VSIG1: variants seen among roughly 807,000 people sequenced by gnomAD.
VSIG1 encodes the protein V-set and immunoglobulin domain-containing protein 1.
VSIG1 carries 11 observed loss-of-function variants against 20.1 expected under a neutral mutation model. The observed-to-expected ratio is 0.55, with a 90% CI of 0.34 to 0.91. The LOEUF is 0.91. VSIG1 is among the 40% of genes least tolerant of loss of function. VSIG1 has a pLI of 0.02. For synonymous variants in VSIG1, 126 were observed against 116.7 expected, an observed-to-expected ratio of 1.08 and a Z score of -0.52; for missense variants, 283 against 298.8, an observed-to-expected ratio of 0.95 and a Z score of 0.39.
intron 2 of VSIG1, among the ~76,000 whole-genome samples, chrX:108,064,227 G>A (rs2031084596): frequency 9.0e-6 from 1 of 111,571 alleles, no homozygotes; most frequent in Non-Finnish European, 1.9e-5. Flanking sequence ...CTACCCCTAG[G>A]TACTTTACTT....
chrX:108,023,234 C>T, the VSIG1 span, among the ~76,000 whole-genome samples: 3 of 111,384 alleles, frequency 2.7e-5, no homozygotes, highest in Admixed American at 2.9e-4. Context: ...TCATGTGCCC[C>T]CTCTTTAGTC....
At chrX:108,036,903 G>A in the VSIG1 span, among the ~76,000 whole-genome samples, 7 of 111,772 alleles carry the variant, frequency 6.3e-5, no homozygotes, top group African/African-American at 1.6e-4. Flanking sequence ...GACTTTCACT[G>A]CATAACAACA....
At chrX:108,028,436 C>G in the VSIG1 span, among the ~76,000 whole-genome samples, 1 of 111,787 alleles carries the variant, frequency 8.9e-6, no homozygotes, top group African/African-American at 3.2e-5. Context: ...GAGGTTAAAT[C>G]AGGTGAACAT....
chrX:108,045,111 T>C lies in VSIG1; in HGVS notation c.-20T>C. 1 of 1,164,836 alleles carries C rather than the reference T, an allele frequency of 8.6e-7. No individual in the cohort carries two copies. Among genetic ancestry groups the C allele is most frequent in the Non-Finnish European group, 1.2e-6 (1 of 869,168 alleles). Reference sequence around the variant, plus strand: ...CAGGCAAGCTACTGGCACCTGCTGCTCTCAACTAACCTCCACACAATGGTG... The same window carrying C: ...CAGGCAAGCTACTGGCACCTGCTGCCCTCAACTAACCTCCACACAATGGTG... On this transcript the variant is annotated 5_prime_UTR_variant, in exon 1 of 7. Coordinates refer to ENST00000217957, the MANE Select transcript of VSIG1 (RefSeq NM_182607.5).
In VSIG1 at chrX:108,059,451, G is replaced by A. The variant is rs1368494935; in HGVS notation, c.213+1250G>A. On this transcript the variant is annotated intron_variant, in intron 2 of 6. Coordinates refer to ENST00000217957, the MANE Select transcript of VSIG1 (RefSeq NM_182607.5). ...GCTCAATACTGGTTACCTTGGACAA[G>A]TATCTGAATCACTCTGCACCTCTCT... Among the ~76,000 whole-genome samples, 3 of 112,219 alleles carry A rather than the reference G, an allele frequency of 2.7e-5. No individual in the cohort carries two copies. The Admixed American group carries it at 2.8e-4, about 11-fold the overall frequency.
chrX:108,077,708 A>C lies in VSIG1; in HGVS notation c.*327A>C. The C allele has an allele frequency of 4.8e-6, 1 of 209,848 alleles. No homozygotes were observed. Among genetic ancestry groups the C allele is most frequent in the Non-Finnish European group, 8.5e-6 (1 of 117,960 alleles). The allele number at this position is 209,848 out of a possible 1,213,427, so 17.3% of individuals were successfully genotyped here. On this transcript the variant is annotated 3_prime_UTR_variant, in exon 7 of 7. Coordinates refer to ENST00000217957, the MANE Select transcript of VSIG1 (RefSeq NM_182607.5). ...AAATATTATTTCTCTCTTTTTAACT[A>C]CTCTTTTTTTTTATTTTAGACAGAG...
At chrX:108,025,223 G>C in the VSIG1 span, among the ~76,000 whole-genome samples, 1 of 111,953 alleles carries the variant, frequency 8.9e-6, no homozygotes, top group Non-Finnish European at 1.9e-5. Context: ...TATTTCAATA[G>C]TATAGATCTA....
intron 1 of VSIG1, among the ~76,000 whole-genome samples, chrX:108,046,247 G>A (rs1345242190): frequency 1.8e-5 from 2 of 112,067 alleles, no homozygotes; most frequent in Non-Finnish European, 3.8e-5. Flanking sequence ...ATTACTAAAT[G>A]TTTAAGCATA....
intron 2 of VSIG1, among the ~76,000 whole-genome samples, chrX:108,065,536 G>T (rs2031110270): frequency 8.9e-6 from 1 of 111,770 alleles, no homozygotes; most frequent in Non-Finnish European, 1.9e-5. Context: ...TAGAAGGTGT[G>T]TATTATGAAG....
the VSIG1 span, among the ~76,000 whole-genome samples, chrX:108,037,395 G>A: frequency 9.0e-6 from 1 of 111,726 alleles, no homozygotes; most frequent in Non-Finnish European, 1.9e-5. Context: ...GGTGCCATAA[G>A]AATTACATTG....
At position 108,065,828 on chromosome X, in the gene VSIG1, T is replaced by C. The variant is rs1420456393; in HGVS notation, c.214-1108T>C. Among the ~76,000 whole-genome samples, 5 of 112,458 alleles carry C rather than the reference T, an allele frequency of 4.4e-5. No individual in the cohort carries two copies. The Admixed American group carries it at 4.7e-4, about 11-fold the overall frequency. On this transcript the variant is annotated intron_variant, in intron 2 of 6. Transcript: ENST00000217957. ...ATATACTACCTAAAATCAACTTAAATGCCTATACTTGGTAAATACATATCA... is the reference window on the plus strand; with the variant it reads ...ATATACTACCTAAAATCAACTTAAACGCCTATACTTGGTAAATACATATCA...
At chrX:108,039,393 T>C in the VSIG1 span, among the ~76,000 whole-genome samples, 137 of 110,762 alleles carry the variant, frequency 1.2e-3, 12 homozygotes, top group Non-Finnish European at 7.5e-5. Context: ...GGGGGTTTCA[T>C]CACGTTGGCC....
chrX:108,048,660 T>C (rs1249827825), intron 1 of VSIG1, among the ~76,000 whole-genome samples: 1 of 112,522 alleles, frequency 8.9e-6, no homozygotes, highest in African/African-American at 3.2e-5. Flanking sequence ...GGAAGGGAAC[T>C]TTTTTCCCTG....
the VSIG1 span, among the ~76,000 whole-genome samples, chrX:108,021,186 A>T: frequency 9.0e-6 from 1 of 111,629 alleles, no homozygotes; most frequent in Admixed American, 9.5e-5. Context: ...GATTGGGGGA[A>T]AGGGCATCAC....
chrX:108,068,421 T>C (rs777062324), intron 3 of VSIG1, among the ~76,000 whole-genome samples: 2 of 111,614 alleles, frequency 1.8e-5, no homozygotes, highest in Admixed American at 9.5e-5. Context: ...TGAGACTGGG[T>C]AATTTATAAG....
intron 3 of VSIG1, among the ~76,000 whole-genome samples, chrX:108,068,770 TATATAC>T (rs2031182881): frequency 8.9e-6 from 1 of 111,847 alleles, no homozygotes; most frequent in African/African-American, 3.2e-5. Flanking sequence ...ACTAGTTAGT[TATATAC>T]ATGGGAACTA....
upstream of VSIG1, among the ~76,000 whole-genome samples, chrX:108,041,553 CGTGTGTGTGT>C (rs371173365): frequency 1.0e-4 from 10 of 99,987 alleles, no homozygotes; most frequent in Non-Finnish European, 1.4e-4. Context: ...TAAAAAACCT[CGTGTGTGTGT>C]GTGTGTGTGT....
chrX:108,070,470 C>T (rs577469360), intron 3 of VSIG1, among the ~76,000 whole-genome samples: 1 of 111,184 alleles, frequency 9.0e-6, no homozygotes, highest in African/African-American at 3.3e-5. Context: ...ATATTCTAAG[C>T]AAAAAAAATG....
the VSIG1 span, among the ~76,000 whole-genome samples, chrX:108,034,976 A>G: frequency 6.3e-5 from 7 of 111,836 alleles, no homozygotes; most frequent in Non-Finnish European, 1.3e-4. Context: ...ACACACACAC[A>G]CCCAGACCTT....
Sources: allele counts gnomAD v4.1 joint callset (sites outside exome capture counted in the v4.1 genomes callset), GRCh38; gene constraint gnomAD v4.1.1; transcripts MANE v1.5; gene names NCBI Gene and HGNC (gene_info 2026-07-23, HGNC 2026-07-21).